The following AMPD1 variants were observed in gnomAD, a reference collection of about 807,000 sequenced individuals.
The protein encoded by AMPD1 is AMP deaminase 1.
In AMPD1, 74 loss-of-function variants were observed where a neutral mutation model predicts 82.9. That is an observed-to-expected ratio of 0.89 (90% confidence interval 0.74 to 1.08). The LOEUF is 1.08. AMPD1 is among the 50% of genes least tolerant of loss of function. The probability of loss-of-function intolerance (pLI) is 0.00; values close to 1 mark genes in which losing one functional copy is unlikely to be tolerated. For missense variants in AMPD1, 881 were observed against 924.5 expected, an observed-to-expected ratio of 0.95 and a Z score of 0.61; for synonymous variants, 333 against 320.5, an observed-to-expected ratio of 1.04 and a Z score of -0.42.
At chr1:114,673,501 T>A in intron 15 of AMPD1, 138 bp downstream of exon 15, 1 of 864,626 alleles carries the variant, frequency 1.2e-6, no homozygotes, top group Admixed American at 2.0e-5. Context: ...GATAGAATAA[T>A]CCCTTCTAGT....
chr1:114,677,491 C>T lies in AMPD1; in HGVS notation c.1248G>A (p.Glu416=). The change falls in exon 10 of 16, where the codon GAG becomes GAA. Residue 416 remains glutamate, a synonymous_variant. Coordinates refer to ENST00000520113, the MANE Select transcript of AMPD1 (RefSeq NM_000036.3). ...IIKEVGADLV[E]AKYQHAEPRL... ...GGGGCTCAGCATGCTGGTACTTGGC[C>T]TCCACCAGGTCCGCACCTACCTCCT... 1 of 1,613,576 alleles carries T rather than the reference C, an allele frequency of 6.2e-7. No individual in the cohort carries two copies. The highest frequency in any genetic ancestry group is 8.5e-7 in the Non-Finnish European group (1 of 1,179,934).
intron 3 of AMPD1, 97 bp from the exon 4 acceptor site, chr1:114,687,007 CA>C (rs1658341352): frequency 7.4e-7 from 1 of 1,357,664 alleles, no homozygotes; most frequent in Non-Finnish European, 1.0e-6. Context: ...ATTCTGAGGA[CA>C]AAAAGTAAAA....
At chr1:114,694,445 A>G (rs925995401) in intron 1 of AMPD1, among the ~76,000 whole-genome samples, 1 of 152,120 alleles carries the variant, frequency 6.6e-6, no homozygotes, top group African/African-American at 2.4e-5. Context: ...GTGCCTTTTT[A>G]AAAAAAACTC....
intron 1 of AMPD1, 126 bp downstream of exon 1, chr1:114,695,324 A>G (rs1658642903): frequency 8.7e-6 from 12 of 1,381,506 alleles, no homozygotes; most frequent in Non-Finnish European, 1.1e-5. Flanking sequence ...CCTGAAATGT[A>G]TGTTAAAGCT....
intron 5 of AMPD1, among the ~76,000 whole-genome samples, chr1:114,683,387 A>G (rs964155306): frequency 5.3e-5 from 8 of 152,168 alleles, no homozygotes; most frequent in Admixed American, 2.6e-4. Flanking sequence ...CAGAACCAAC[A>G]GTATAAAAAT....
At chr1:114,691,490 C>A (rs895138347) in intron 2 of AMPD1, among the ~76,000 whole-genome samples, 1 of 151,790 alleles carries the variant, frequency 6.6e-6, no homozygotes, top group African/African-American at 2.4e-5. Context: ...ATCGTTTGAG[C>A]CCAGAAGGTT....
At position 114,677,948 on chromosome 1, in the gene AMPD1, T is replaced by C; in HGVS notation, c.1186A>G (p.Asn396Asp). The C allele has an allele frequency of 1.2e-6, 2 of 1,613,922 alleles. No individual in the cohort carries two copies. The highest frequency in any genetic ancestry group is 1.7e-6 in the Non-Finnish European group (2 of 1,179,976). Residue 396 changes from asparagine to aspartate, a missense_variant, in exon 9 of 16, where the codon AAT (asparagine) becomes GAT (aspartate). Transcript: ENST00000520113. ...ELRDLYLKTDNYINGEYFATI... is the reference protein window; with the variant it reads ...ELRDLYLKTDDYINGEYFATI... ...GCAAAATATTCCCCATTAATGTAAT[T>C]GTCTGTCTTCAAGTAGAGGTCCCGT...
chr1:114,683,114 A>G lies in AMPD1; in HGVS notation c.547+1085T>C, dbSNP rs139545229. 170 of 446,894 alleles carry G rather than the reference A, an allele frequency of 3.8e-4. No individual in the cohort carries two copies. The East Asian group carries it at 0.011, about 29-fold the overall frequency. The allele number at this position is 446,894 out of a possible 1,614,324, so 27.7% of individuals were successfully genotyped here. A position where few individuals can be genotyped will look rare whatever the true frequency, so the allele number is the denominator to read the frequency against. On this transcript the variant is annotated intron_variant, in intron 5 of 15. Transcript: ENST00000520113. ...AAAATCTGATTGTTGAAAAATACGT[A>G]CTTAACTTTCTACAAGGCAGAAGGT...
intron 5 of AMPD1, chr1:114,683,225 TG>T (rs1014588333): frequency 4.7e-5 from 18 of 384,680 alleles, no homozygotes; most frequent in African/African-American, 2.6e-4. Context: ...TGATAGTATT[TG>T]GGCTGCCTCT....
chr1:114,684,073 G>A, intron 5 of AMPD1, 126 bp downstream of exon 5: 1 of 1,067,636 alleles, frequency 9.4e-7, no homozygotes, highest in Non-Finnish European at 1.4e-6. Context: ...AGGAAATGGG[G>A]CCAAAGATGA....
At position 114,673,546 on chromosome 1, in the gene AMPD1, C is replaced by A; in HGVS notation, c.2085+93G>T. 3 of 1,077,968 alleles carry A rather than the reference C, an allele frequency of 2.8e-6. 1 individual carries two copies. In the South Asian group the frequency reaches 3.9e-5, roughly 14 times the overall value. 66.8% of individuals were successfully genotyped at this position (1,077,968 alleles called of 1,614,324 possible). A position where few individuals can be genotyped will look rare whatever the true frequency, so the allele number is the denominator to read the frequency against. ...TAGTAACTGCATATGATTCGTGGAA[C>A]AATTTTTCTACATGTGTTTCCCAAC... On this transcript the variant is annotated intron_variant, in intron 15 of 15. Transcript: ENST00000520113.
At position 114,675,623 on chromosome 1, in the gene AMPD1, T is replaced by C; in HGVS notation, c.1586A>G (p.Lys529Arg). Reference protein sequence around the residue: ...SGHMFSSKSPKPQEWTLEKNP... With the variant: ...SGHMFSSKSPRPQEWTLEKNP... The stretch of plus-strand genomic sequence containing the variant: ...CTTTTCCAATGTCCACTCCTGGGGC[T>C]TGGGACTCTTGGAGGAGAACATGTG... Residue 529 changes from lysine to arginine, a missense_variant, in exon 12 of 16, where the codon AAG (lysine) becomes AGG (arginine). Coordinates refer to ENST00000520113, the MANE Select transcript of AMPD1 (RefSeq NM_000036.3). 3.7e-6 allele frequency: 6 copies of C among 1,614,238 alleles called. No individual in the cohort carries two copies. Among genetic ancestry groups the C allele is most frequent in the Non-Finnish European group, 5.1e-6 (6 of 1,180,032 alleles).
intron 2 of AMPD1, chr1:114,689,027 A>C (rs774121543): frequency 1.6e-6 from 1 of 641,100 alleles, no homozygotes; most frequent in Non-Finnish European, 2.9e-6. Context: ...TAGGACTAGC[A>C]CCTCAGTAAG....
chr1:114,677,225 T>G (rs767229681), intron 10 of AMPD1, 126 bp downstream of exon 10: 2 of 1,299,632 alleles, frequency 1.5e-6, no homozygotes, highest in Non-Finnish European at 2.2e-6. Context: ...CAGGACCCGA[T>G]AGTGAATGCT....
At chr1:114,679,387 C>T (rs920852849) in intron 7 of AMPD1, among the ~76,000 whole-genome samples, 192 bp downstream of exon 7, 1 of 152,168 alleles carries the variant, frequency 6.6e-6, no homozygotes, top group Non-Finnish European at 1.5e-5. Flanking sequence ...GCAAACCTTT[C>T]TATGGGGAAA....
intron 2 of AMPD1, 63 bp downstream of exon 2, chr1:114,693,373 A>G: frequency 6.7e-7 from 1 of 1,494,746 alleles, no homozygotes; most frequent in Non-Finnish European, 9.3e-7. Flanking sequence ...TGAATTAAGG[A>G]ATAGTATCAT....
rs953329408 is a variant in AMPD1, at chr1:114,683,637, T to C, written c.547+562A>G. Among the ~76,000 whole-genome samples the C allele has an allele frequency of 2.0e-5, 3 of 152,104 alleles. No homozygotes were observed. The East Asian group carries it at 5.8e-4, about 29-fold the overall frequency. On this transcript the variant is annotated intron_variant, in intron 5 of 15. Coordinates refer to ENST00000520113, the MANE Select transcript of AMPD1 (RefSeq NM_000036.3). Reference sequence around the variant, plus strand: ...CAGCAATCCCAGCTACCCGGGAGGCTGAGGCAGGAGAATCGCTTGAACCCA... The same window carrying C: ...CAGCAATCCCAGCTACCCGGGAGGCCGAGGCAGGAGAATCGCTTGAACCCA...
chr1:114,673,806 C>G, intron 14 of AMPD1, 57 bp from the exon 15 acceptor site: 1 of 1,577,050 alleles, frequency 6.3e-7, no homozygotes, highest in South Asian at 1.1e-5. Flanking sequence ...AATATGCATC[C>G]TGCCTGAAAA....
At position 114,678,516 on chromosome 1, in the gene AMPD1, A is replaced by G; in HGVS notation, c.909T>C (p.His303=). 1 of 1,613,956 alleles carries G rather than the reference A, an allele frequency of 6.2e-7. No homozygotes were observed. Among genetic ancestry groups the G allele is most frequent in the Non-Finnish European group, 8.5e-7 (1 of 1,179,844 alleles). The change falls in exon 8 of 16, where the codon CAT becomes CAC. Residue 303 remains histidine (H), a synonymous_variant. Coordinates refer to ENST00000520113, the MANE Select transcript of AMPD1 (RefSeq NM_000036.3). ...GGTTCATGCAAGCGGCTGCATGGAT[A>G]TGGGTGTCCACCTGTATGTATATTC... ...DFYNCRKVDT[H]IHAAACMNQK...
Sources: allele counts gnomAD v4.1 joint callset (sites outside exome capture counted in the v4.1 genomes callset), GRCh38; gene constraint gnomAD v4.1.1; transcripts MANE v1.5; gene names NCBI Gene and HGNC (gene_info 2026-07-23, HGNC 2026-07-21).